LPIN1: variants seen among roughly 807,000 people sequenced by gnomAD.
LPIN1 encodes phosphatidate phosphatase LPIN1.
Under a neutral mutation model 107.5 loss-of-function variants are expected in LPIN1, and 71 were observed. The observed-to-expected ratio is 0.66, with a 90% CI of 0.55 to 0.80. The LOEUF (loss-of-function observed/expected upper bound fraction) is 0.80, where lower values mean the gene tolerates loss of function less well. LPIN1 is among the 30% of genes least tolerant of loss of function. LPIN1 has a pLI of 0.00. For missense variants in LPIN1, 1,043 were observed against 1,160.6 expected (o/e 0.90, Z 1.47); for synonymous variants, 445 against 452.6 (o/e 0.98, Z 0.21).
At chr2:11,824,596 C>A (rs200886792) in intron 20 of LPIN1, 36 bp from the exon 21 acceptor site, 1 of 1,612,466 alleles carries the variant, frequency 6.2e-7, no homozygotes, top group African/African-American at 1.3e-5. Flanking sequence ...TAGCTGGTAT[C>A]GCTCAGTGCC....
At chr2:11,732,971 C>T (rs1437547813) in intron 1 of LPIN1, among the ~76,000 whole-genome samples, 1 of 151,068 alleles carries the variant, frequency 6.6e-6, no homozygotes, top group East Asian at 1.9e-4. Context: ...TGAGGTCCCT[C>T]CGACCAATAT....
intron 1 of LPIN1, among the ~76,000 whole-genome samples, chr2:11,695,642 C>T (rs754197829): frequency 2.0e-5 from 3 of 152,054 alleles, no homozygotes; most frequent in Non-Finnish European, 4.4e-5. Context: ...GTAGCTGGGC[C>T]CCTTTTGACT....
At chr2:11,784,053 C>T (rs1674031816) in intron 9 of LPIN1, 131 bp downstream of exon 9, 1 of 1,496,658 alleles carries the variant, frequency 6.7e-7, no homozygotes, top group African/African-American at 1.4e-5. Flanking sequence ...GCCTGTAATC[C>T]CAGCACTTTG....
chr2:11,767,983 G>A (rs916663715), intron 3 of LPIN1, 125 bp downstream of exon 3: 5 of 730,236 alleles, frequency 6.8e-6, no homozygotes, highest in African/African-American at 3.5e-5. Flanking sequence ...ATGGGGCAGA[G>A]AAAAGTGGGC....
chr2:11,796,119 T>C (rs1413852023), intron 14 of LPIN1, among the ~76,000 whole-genome samples: 5 of 152,244 alleles, frequency 3.3e-5, no homozygotes, highest in Admixed American at 2.6e-4. Context: ...GTACCATCTT[T>C]TACTTCTTAC....
rs548275502 is a variant in LPIN1, at chr2:11,786,600, C to T, written c.1550-474C>T. Among the ~76,000 whole-genome samples the T allele has an allele frequency of 7.9e-5, 12 of 152,214 alleles. No homozygotes were observed. The highest frequency in any genetic ancestry group is 1.4e-4 in the African/African-American group (6 of 41,542). On this transcript the variant is annotated intron_variant, in intron 10 of 20. Transcript: ENST00000674199. The surrounding 1 kb of genome is among the most constrained non-coding windows in gnomAD (Gnocchi z 4.1). ...GAAAGGGCCCTGTGCTTTCTATTTA[C>T]GACATTATCAGTCCCCATGACCACC... is the stretch of plus-strand genomic sequence containing the variant.
In LPIN1 at chr2:11,792,935, G is replaced by A. The variant is rs113905172; in HGVS notation, c.1806+929G>A. ...CCTGCTCTGGCTTAGTCACCTCTAG[G>A]AGGGTCCTCAAAGCTCATGTTAGGC... On this transcript the variant is annotated intron_variant, in intron 13 of 20. Coordinates refer to ENST00000674199, the MANE Select transcript of LPIN1 (RefSeq NM_001349206.2). Among the ~76,000 whole-genome samples, 130 of 152,266 alleles carry A rather than the reference G, an allele frequency of 8.5e-4. 1 individual carries two copies. The highest frequency in any genetic ancestry group is 3.1e-3 in the African/African-American group (129 of 41,552).
intron 19 of LPIN1, 107 bp from the exon 20 acceptor site, chr2:11,820,304 C>G (rs1681294078): frequency 1.3e-6 from 1 of 749,958 alleles, no homozygotes; most frequent in Non-Finnish European, 2.4e-6. Flanking sequence ...AGGTAGAGCT[C>G]TGGTTAATGA....
chr2:11,743,783 C>T (rs1186296689), upstream of LPIN1, among the ~76,000 whole-genome samples: 1 of 152,180 alleles, frequency 6.6e-6, no homozygotes, highest in Non-Finnish European at 1.5e-5. The surrounding 1 kb of genome is among the most constrained non-coding windows in gnomAD (Gnocchi z 4.7). Context: ...CCTACAGTAG[C>T]TCGCAGGGCA....
At chr2:11,753,030 C>G (rs1000319778) in intron 1 of LPIN1, among the ~76,000 whole-genome samples, 1 of 152,168 alleles carries the variant, frequency 6.6e-6, no homozygotes, top group Non-Finnish European at 1.5e-5. Flanking sequence ...TTTGGAGCGT[C>G]TGCTGTGTGC....
At chr2:11,746,297 C>T (rs1321438702), upstream of LPIN1, among the ~76,000 whole-genome samples, 1 of 152,212 alleles carries the variant, frequency 6.6e-6, no homozygotes, top group Non-Finnish European at 1.5e-5. Flanking sequence ...GGTGGTTTAC[C>T]TGGACTTTTA....
intron 1 of LPIN1, among the ~76,000 whole-genome samples, chr2:11,754,805 A>T (rs1558808787): frequency 6.6e-6 from 1 of 152,142 alleles, no homozygotes; most frequent in East Asian, 1.9e-4. Context: ...TAACACTCAC[A>T]GCCAGGCCTT....
At chr2:11,754,956 T>C (rs1668428370) in intron 1 of LPIN1, among the ~76,000 whole-genome samples, 1 of 152,100 alleles carries the variant, frequency 6.6e-6, no homozygotes, top group Non-Finnish European at 1.5e-5. Flanking sequence ...CAATTCCTGC[T>C]GTCTTCTTCA....
At chr2:11,783,947 A>G (rs777255985) in intron 9 of LPIN1, 25 bp downstream of exon 9, 7 of 1,613,584 alleles carry the variant, frequency 4.3e-6, no homozygotes, top group Admixed American at 3.3e-5. Flanking sequence ...AATTCCTCAC[A>G]TCATTTCCTA....
intron 15 of LPIN1, 134 bp from the exon 16 acceptor site, chr2:11,804,289 A>G (rs1326303084): frequency 1.1e-6 from 1 of 945,318 alleles, no homozygotes; most frequent in Non-Finnish European, 1.6e-6. Context: ...GGGGAAAGAA[A>G]GAATTATACA....
intron 17 of LPIN1, among the ~76,000 whole-genome samples, chr2:11,810,710 G>A (rs1679497888): frequency 6.6e-6 from 1 of 152,178 alleles, no homozygotes; most frequent in Admixed American, 6.5e-5. Context: ...CTCTTAGTGG[G>A]TGGACCCGGG....
intron 17 of LPIN1, among the ~76,000 whole-genome samples, chr2:11,807,718 G>A (rs1678955634): frequency 6.6e-6 from 1 of 152,160 alleles, no homozygotes; most frequent in South Asian, 2.1e-4. Flanking sequence ...ACCTTTGCCT[G>A]CTCATTGAGT....
intron 1 of LPIN1, among the ~76,000 whole-genome samples, chr2:11,757,148 A>G (rs1252577798): frequency 1.3e-5 from 2 of 152,226 alleles, no homozygotes; most frequent in East Asian, 3.8e-4. Context: ...TAAAGTCAGT[A>G]GGTTTGAAAG....
At chr2:11,812,357 A>G (rs934600175) in intron 17 of LPIN1, among the ~76,000 whole-genome samples, 2 of 152,130 alleles carry the variant, frequency 1.3e-5, no homozygotes, top group Non-Finnish European at 2.9e-5. Context: ...ATAACGTCAT[A>G]TTAGTGATCA....
Sources: gnomAD v4.1 joint callset for allele counts (sites outside exome capture counted in the v4.1 genomes callset) on GRCh38, gnomAD v4.1.1 for gene constraint, Gnocchi (gnomAD v3.1) non-coding constraint, MANE v1.5 for transcripts, NCBI Gene and HGNC (gene_info 2026-07-23, HGNC 2026-07-21) for gene names.